Variants in SCFD2 observed in about 807,000 individuals in gnomAD.
The protein encoded by SCFD2 is sec1 family domain containing 2.
SCFD2 carries 54 observed loss-of-function variants against 58.9 expected under a neutral mutation model. The observed-to-expected ratio is 0.92, with a 90% CI of 0.74 to 1.15. The LOEUF (loss-of-function observed/expected upper bound fraction) is 1.15. Ranked by LOEUF, SCFD2 falls within the 50% of genes most tolerant of loss-of-function variation. SCFD2 has a pLI of 0.00. For synonymous variants in SCFD2, 321 were observed against 335.9 expected (o/e 0.96, Z 0.49); for missense variants, 805 against 836.6 (o/e 0.96, Z 0.47).
chr4:53,143,797 C>CAT (rs1264307029), intron 5 of SCFD2, among the ~76,000 whole-genome samples: 2 of 150,184 alleles, frequency 1.3e-5, no homozygotes, highest in African/African-American at 4.9e-5. Context: ...CCTAAACATA[C>CAT]ACACACACAC....
intron 1 of SCFD2, among the ~76,000 whole-genome samples, chr4:53,355,822 C>T (rs1221127426): frequency 6.6e-6 from 1 of 152,202 alleles, no homozygotes; most frequent in African/African-American, 2.4e-5. Flanking sequence ...ATTGCACTTG[C>T]CATTCCCTGG....
intron 7 of SCFD2, among the ~76,000 whole-genome samples, chr4:52,900,490 G>A (rs566568369): frequency 1.5e-3 from 221 of 152,308 alleles, no homozygotes; most frequent in African/African-American, 4.9e-3. Context: ...CTGCCTGATC[G>A]TTCCTCTGAA....
intron 4 of SCFD2, among the ~76,000 whole-genome samples, chr4:53,271,076 T>C (rs1448792696): frequency 6.6e-6 from 1 of 152,070 alleles, no homozygotes; most frequent in Non-Finnish European, 1.5e-5. Flanking sequence ...AAATACATAA[T>C]GAAGAAATAA....
At chr4:53,100,015 A>G (rs887559275) in intron 5 of SCFD2, among the ~76,000 whole-genome samples, 3 of 152,228 alleles carry the variant, frequency 2.0e-5, no homozygotes, top group Admixed American at 6.5e-5. Context: ...TCTCATAAAT[A>G]CCAATAAATA....
intron 4 of SCFD2, among the ~76,000 whole-genome samples, chr4:53,257,789 T>G (rs1490556664): frequency 6.6e-6 from 1 of 151,960 alleles, no homozygotes; most frequent in Non-Finnish European, 1.5e-5. Flanking sequence ...GATATCATAG[T>G]TTTTTTTAGA....
chr4:52,947,770 G>T (rs1720472682), intron 5 of SCFD2, among the ~76,000 whole-genome samples: 1 of 150,174 alleles, frequency 6.7e-6, no homozygotes, highest in South Asian at 2.1e-4. Context: ...AAATACAGGT[G>T]TACTAAATGT....
chr4:52,892,516 C>T (rs1231299516), intron 7 of SCFD2, among the ~76,000 whole-genome samples: 1 of 152,208 alleles, frequency 6.6e-6, no homozygotes, highest in Non-Finnish European at 1.5e-5. Flanking sequence ...TCTTCTACTC[C>T]CTGCAGGTCA....
chr4:52,988,566 C>A (rs769878118), intron 5 of SCFD2, among the ~76,000 whole-genome samples: 1 of 152,152 alleles, frequency 6.6e-6, no homozygotes, highest in Non-Finnish European at 1.5e-5. Flanking sequence ...CAGGCTTCAA[C>A]CTTCGAGACT....
intron 5 of SCFD2, among the ~76,000 whole-genome samples, chr4:53,096,184 G>A (rs1214082917): frequency 6.6e-6 from 1 of 152,190 alleles, no homozygotes; most frequent in East Asian, 1.9e-4. Flanking sequence ...ACATAAGTGT[G>A]CATGTGTCTT....
chr4:53,038,251 T>C (rs1722812187), intron 5 of SCFD2, among the ~76,000 whole-genome samples: 1 of 152,318 alleles, frequency 6.6e-6, no homozygotes, highest in Middle Eastern at 3.4e-3. Flanking sequence ...ACTGAGCTCT[T>C]TACTGGCATT....
chr4:52,887,904 T>C (rs1718778285), intron 7 of SCFD2, among the ~76,000 whole-genome samples: 1 of 134,976 alleles, frequency 7.4e-6, no homozygotes. Flanking sequence ...TTCTTTTTTT[T>C]TTTTTTTTTT....
intron 5 of SCFD2, among the ~76,000 whole-genome samples, chr4:53,001,067 C>T (rs1387342495): frequency 2.6e-5 from 4 of 152,220 alleles, no homozygotes; most frequent in Non-Finnish European, 5.9e-5. Context: ...TGATACTTCT[C>T]AAATATAACT....
intron 4 of SCFD2, among the ~76,000 whole-genome samples, chr4:53,234,391 G>A (rs901192140): frequency 1.2e-4 from 18 of 152,112 alleles, no homozygotes; most frequent in African/African-American, 4.3e-4. Flanking sequence ...TATATTTCTT[G>A]GAAGTAGTAA....
intron 3 of SCFD2, among the ~76,000 whole-genome samples, chr4:53,300,743 A>C (rs1732250469): frequency 6.6e-6 from 1 of 152,208 alleles, no homozygotes; most frequent in African/African-American, 2.4e-5. Flanking sequence ...AATTATAACA[A>C]ACTGTCTCTC....
intron 8 of SCFD2, among the ~76,000 whole-genome samples, chr4:52,877,281 C>T (rs1718496110): frequency 6.6e-6 from 1 of 152,138 alleles, no homozygotes; most frequent in South Asian, 2.1e-4. Flanking sequence ...GAGGGCTCAG[C>T]CAGAGGCTGT....
chr4:53,290,972 G>C (rs1731820641), intron 3 of SCFD2, among the ~76,000 whole-genome samples: 1 of 152,122 alleles, frequency 6.6e-6, no homozygotes, highest in African/African-American at 2.4e-5. Flanking sequence ...TTCCAACAAA[G>C]AAAAGCCCAG....
chr4:52,968,486 G>A (rs984547560), intron 5 of SCFD2, among the ~76,000 whole-genome samples: 9 of 152,210 alleles, frequency 5.9e-5, no homozygotes, highest in African/African-American at 1.9e-4. Flanking sequence ...GTGATCGGGT[G>A]TATGGGTGTG....
intron 4 of SCFD2, among the ~76,000 whole-genome samples, chr4:53,147,883 G>T (rs1475957801): frequency 6.6e-6 from 1 of 152,196 alleles, no homozygotes; most frequent in Non-Finnish European, 1.5e-5. Context: ...GCAGCCCATG[G>T]ATCATGGGTT....
chr4:53,360,803 G>T (rs1238047011), intron 1 of SCFD2, among the ~76,000 whole-genome samples: 1 of 152,152 alleles, frequency 6.6e-6, no homozygotes, highest in Non-Finnish European at 1.5e-5. Context: ...AGTAACTTTT[G>T]GGGGTTCAAT....
Sources: gnomAD v4.1 joint callset for allele counts (sites outside exome capture counted in the v4.1 genomes callset) on GRCh38, gnomAD v4.1.1 for gene constraint, MANE v1.5 for transcripts, NCBI Gene and HGNC (gene_info 2026-07-23, HGNC 2026-07-21) for gene names.